RB1: variants seen among roughly 807,000 people sequenced by gnomAD.
RB1 encodes the protein RB transcriptional corepressor 1, also known as retinoblastoma-associated protein.
A neutral mutation model predicts 135.4 loss-of-function variants in RB1; 18 were observed. The observed-to-expected ratio is 0.13, with a 90% CI of 0.09 to 0.20. The LOEUF (loss-of-function observed/expected upper bound fraction) is 0.20, where lower values mean the gene tolerates loss of function less well. Ranked by LOEUF, RB1 falls within the 10% of genes least tolerant of loss-of-function variation. The probability of loss-of-function intolerance (pLI) is 1.00; values close to 1 mark genes in which losing one functional copy is unlikely to be tolerated. For missense variants in RB1, 868 were observed against 1,110.0 expected, an observed-to-expected ratio of 0.78 and a Z score of 3.10; for synonymous variants, 365 against 373.2, an observed-to-expected ratio of 0.98 and a Z score of 0.25.
chr13:48,411,779 A>T (rs759479432), intron 17 of RB1: 1 of 1,611,836 alleles, frequency 6.2e-7, no homozygotes, highest in South Asian at 1.1e-5. Flanking sequence ...TACTTAATGT[A>T]ACAGGTTTGG....
intron 17 of RB1, chr13:48,439,627 C>G (rs1002077252): frequency 6.6e-6 from 1 of 152,066 alleles, no homozygotes; most frequent in Non-Finnish European, 1.5e-5. Flanking sequence ...CACTTTAGCC[C>G]AAATGCTGGG....
chr13:48,456,461 CTG>C, intron 19 of RB1, 112 bp downstream of exon 19: 1 of 1,403,322 alleles, frequency 7.1e-7, no homozygotes. Flanking sequence ...CTTAATATCT[CTG>C]TGTCTCAGTT....
chr13:48,426,390 C>G (rs1030088237), intron 17 of RB1, among the ~76,000 whole-genome samples: 1 of 152,140 alleles, frequency 6.6e-6, no homozygotes, highest in Non-Finnish European at 1.5e-5. Context: ...ATTTGGTATG[C>G]CTTTTTTAGC....
Position 48,303,773 on chromosome 13 carries a change from C to G in RB1, c.-140C>G. ...CTCAGTTGCCGGGCGGGGGAGGGCG[C>G]GTCCGGTTTTTCTCAGGGGACGTTG... On this transcript the variant is annotated 5_prime_UTR_variant, in exon 1 of 27. Transcript: ENST00000267163. The G allele has an allele frequency of 1.5e-6, 2 of 1,297,252 alleles. No individual in the cohort carries two copies. The highest frequency in any genetic ancestry group is 3.1e-5 in the East Asian group (1 of 32,090). 80.4% of individuals were successfully genotyped at this position (1,297,252 alleles called of 1,614,324 possible). A position where few individuals can be genotyped will look rare whatever the true frequency, so the allele number is the denominator to read the frequency against.
intron 17 of RB1, among the ~76,000 whole-genome samples, chr13:48,420,505 C>G (rs1017111760): frequency 6.6e-6 from 1 of 152,152 alleles, no homozygotes. Flanking sequence ...CTCACCACTC[C>G]TATTCAACAT....
intron 17 of RB1, among the ~76,000 whole-genome samples, chr13:48,431,075 T>C (rs780098574): frequency 1.4e-4 from 21 of 152,182 alleles, no homozygotes; most frequent in African/African-American, 3.9e-4. Context: ...ATGAATCATA[T>C]GAGTTATAAC....
At chr13:48,379,148 C>T (rs951459213) in intron 13 of RB1, among the ~76,000 whole-genome samples, 7 of 152,064 alleles carry the variant, frequency 4.6e-5, no homozygotes, top group African/African-American at 1.4e-4. Context: ...ATATAAGGTA[C>T]ATAAAGTGCT....
At chr13:48,363,033 CTTT>C in intron 8 of RB1, 76 bp downstream of exon 8, 1 of 1,546,092 alleles carries the variant, frequency 6.5e-7, no homozygotes, top group South Asian at 1.1e-5. Flanking sequence ...ATATTTACTT[CTTT>C]TGTTATGAGC....
At chr13:48,374,957 A>G (rs911089180) in intron 12 of RB1, among the ~76,000 whole-genome samples, 1 of 152,138 alleles carries the variant, frequency 6.6e-6, no homozygotes, top group African/African-American at 2.4e-5. Flanking sequence ...TAGTGAGAAC[A>G]TGCAGTATTT....
intron 17 of RB1, chr13:48,389,591 AT>A (rs1432054229): frequency 2.0e-5 from 3 of 152,098 alleles, no homozygotes; most frequent in Non-Finnish European, 4.4e-5. Context: ...CAAATATTTT[AT>A]TTTGCTTATG....
intron 10 of RB1, among the ~76,000 whole-genome samples, chr13:48,368,051 A>G (rs1465329552): frequency 6.6e-6 from 1 of 152,206 alleles, no homozygotes; most frequent in East Asian, 1.9e-4. Flanking sequence ...GACTGATCAT[A>G]AGTAAAGTTA....
intron 6 of RB1, among the ~76,000 whole-genome samples, chr13:48,350,052 T>C (rs1055070710): frequency 4.6e-5 from 7 of 152,142 alleles, no homozygotes; most frequent in Non-Finnish European, 8.8e-5. Context: ...CAAATATTAT[T>C]AGAGCTAAAG....
At chr13:48,385,033 G>A (rs993649460) in intron 17 of RB1, among the ~76,000 whole-genome samples, 14 of 152,186 alleles carry the variant, frequency 9.2e-5, no homozygotes, top group African/African-American at 3.4e-4. Context: ...AGCAGGTGAT[G>A]AAATGAAATT....
chr13:48,388,211 G>A (rs1423233097), intron 17 of RB1, among the ~76,000 whole-genome samples: 2 of 152,212 alleles, frequency 1.3e-5, no homozygotes, highest in African/African-American at 4.8e-5. Context: ...GTAAAGAACA[G>A]AGAGGAGTCA....
At chr13:48,412,432 C>T in intron 17 of RB1, 1 of 1,608,110 alleles carries the variant, frequency 6.2e-7, no homozygotes, top group Non-Finnish European at 8.5e-7. Context: ...ATCGTAAAGG[C>T]ACGTCCAATT....
intron 6 of RB1, among the ~76,000 whole-genome samples, chr13:48,354,378 G>A (rs1952573024): frequency 6.6e-6 from 1 of 152,018 alleles, no homozygotes; most frequent in African/African-American, 2.4e-5. Flanking sequence ...AACCACAGAA[G>A]TGAAAGATCT....
At chr13:48,455,389 C>G (rs1289351958) in intron 18 of RB1, among the ~76,000 whole-genome samples, 1 of 152,202 alleles carries the variant, frequency 6.6e-6, no homozygotes, top group African/African-American at 2.4e-5. Flanking sequence ...GTTTACGATA[C>G]TGTCAGTGAA....
chr13:48,454,090 A>G (rs1281117089), intron 18 of RB1, among the ~76,000 whole-genome samples: 1 of 152,224 alleles, frequency 6.6e-6, no homozygotes, highest in Admixed American at 6.5e-5. Context: ...TTTAATCTTC[A>G]TAACAGCCCA....
intron 17 of RB1, among the ~76,000 whole-genome samples, chr13:48,418,387 A>T (rs545711556): frequency 2.2e-4 from 34 of 152,326 alleles, no homozygotes; most frequent in African/African-American, 7.9e-4. Flanking sequence ...GGAAGCACTA[A>T]ATATGGAAAG....
Sources: gnomAD v4.1 joint callset for allele counts (sites outside exome capture counted in the v4.1 genomes callset) on GRCh38, gnomAD v4.1.1 for gene constraint, MANE v1.5 for transcripts, NCBI Gene and HGNC (gene_info 2026-07-23, HGNC 2026-07-21) for gene names.